Variants in SF3B1 observed in about 807,000 individuals in gnomAD.
The protein encoded by SF3B1 is splicing factor 3b subunit 1.
Under a neutral mutation model 153.8 loss-of-function variants are expected in SF3B1, and 12 were observed. The observed-to-expected ratio is 0.08, with a 90% CI of 0.05 to 0.13. SF3B1 has a LOEUF of 0.13. Among genes scored for constraint, SF3B1 ranks in the 10% least tolerant of loss-of-function variants. The pLI is 1.00. For synonymous variants in SF3B1, 498 were observed against 525.2 expected, an observed-to-expected ratio of 0.95 and a Z score of 0.71; for missense variants, 513 against 1,606.1, an observed-to-expected ratio of 0.32 and a Z score of 11.63.
At chr2:197,421,491 T>C (rs1391596718) in intron 2 of SF3B1, among the ~76,000 whole-genome samples, 1 of 152,198 alleles carries the variant, frequency 6.6e-6, no homozygotes, top group East Asian at 1.9e-4. Flanking sequence ...CTACTTTCTT[T>C]TTTTAACTCA....
intron 7 of SF3B1, 33 bp downstream of exon 7, chr2:197,409,737 T>G (rs1200701723): frequency 6.7e-7 from 1 of 1,503,198 alleles, no homozygotes; most frequent in Non-Finnish European, 9.3e-7. Context: ...CACTCAACAT[T>G]TCACCCACAC....
chr2:197,410,718 C>T (rs1342388497), intron 6 of SF3B1, among the ~76,000 whole-genome samples: 2 of 152,070 alleles, frequency 1.3e-5, no homozygotes, highest in East Asian at 1.9e-4. Context: ...GTTGGTCAGG[C>T]TGGTCTCGAA....
rs902384558 is a variant in SF3B1 at position 197,392,578 on chromosome 2, G to GA, written c.3757-118_3757-117insT. On this transcript the variant is annotated intron_variant, in intron 24 of 24. Transcript: ENST00000335508. ...TATTTCCCTTGGGGAGTTGGGGGGG[G>GA]GGGAACCTACTAATTACACTGCTCT... The GA allele has an allele frequency of 2.4e-4, 76 of 323,394 alleles. 7 individuals are homozygous for GA. Among genetic ancestry groups the GA allele is most frequent in the African/African-American group, 1.6e-3 (68 of 42,092 alleles). The allele number at this position is 323,394 out of a possible 1,614,324, so 20.0% of individuals were successfully genotyped here. A position where few individuals can be genotyped will look rare whatever the true frequency, so the allele number is the denominator to read the frequency against.
intron 1 of SF3B1, among the ~76,000 whole-genome samples, chr2:197,428,161 C>T (rs191776471): frequency 6.6e-6 from 1 of 151,760 alleles, no homozygotes; most frequent in Admixed American, 6.6e-5. Flanking sequence ...AAAAATTAGA[C>T]AAAAATACAA....
At chr2:197,425,627 G>A (rs1477816554) in intron 1 of SF3B1, among the ~76,000 whole-genome samples, 4 of 152,144 alleles carry the variant, frequency 2.6e-5, no homozygotes, top group East Asian at 1.9e-4. Flanking sequence ...AGATAGATGT[G>A]CAGGATAACA....
chr2:197,415,262 ATTTAT>A (rs2085130613), intron 6 of SF3B1, among the ~76,000 whole-genome samples: 1 of 151,206 alleles, frequency 6.6e-6, no homozygotes, highest in African/African-American at 2.4e-5. Flanking sequence ...TTATTTATTT[ATTTAT>A]TTTGAGACAA....
intron 2 of SF3B1, among the ~76,000 whole-genome samples, chr2:197,421,478 T>C (rs909502734): frequency 2.6e-5 from 4 of 152,244 alleles, no homozygotes; most frequent in Non-Finnish European, 5.9e-5. Context: ...ATTTTAGAAC[T>C]TTCTACTTTC....
At chr2:197,432,485 T>A (rs984647419) in intron 1 of SF3B1, among the ~76,000 whole-genome samples, 1 of 152,260 alleles carries the variant, frequency 6.6e-6, no homozygotes, top group African/African-American at 2.4e-5. Context: ...GTTCTTTTTA[T>A]ATTTCAATCC....
At position 197,401,935 on chromosome 2, in the gene SF3B1, G is replaced by A. The variant is rs747210701; in HGVS notation, c.2224-47C>T. ...ATGTACTTTAGTAATTTAGATTTAT[G>A]TCGCCTTAACTTTAATGAAGATAAA... On this transcript the variant is annotated intron_variant, in intron 15 of 24. Transcript: ENST00000335508. This position sits in a 1 kb window ranked among gnomAD's most constrained non-coding sequence, Gnocchi z 4.2. 1 of 1,593,966 alleles carries A rather than the reference G, an allele frequency of 6.3e-7. No individual in the cohort carries two copies. Among genetic ancestry groups the A allele is most frequent in the Non-Finnish European group, 8.5e-7 (1 of 1,173,498 alleles).
chr2:197,420,383 A>G (rs2085221344), intron 4 of SF3B1, 45 bp downstream of exon 4: 5 of 1,436,222 alleles, frequency 3.5e-6, no homozygotes, highest in Non-Finnish European at 3.9e-6. Flanking sequence ...ACAACTTAAT[A>G]CAAATAAATT....
intron 1 of SF3B1, 120 bp downstream of exon 1, chr2:197,434,852 C>T (rs2085497967): frequency 2.8e-6 from 3 of 1,088,422 alleles, no homozygotes; most frequent in Admixed American, 2.1e-5. Context: ...CGACCCTTGG[C>T]CCCGAAACGC....
chr2:197,391,588 ACAG>A lies in SF3B1; in HGVS notation c.*712_*714del. The A allele has an allele frequency of 6.6e-6, 1 of 152,394 alleles. No homozygotes were observed. The highest frequency in any genetic ancestry group is 2.1e-4 in the South Asian group (1 of 4,834). 9.4% of individuals were successfully genotyped at this position (152,394 alleles called of 1,614,324 possible). ...AAGTTAAATTCCTCACTTGCTAAAC[ACAG>A]CAGACCTGTCAAGTGTTGGACAAGA... On this transcript the variant is annotated 3_prime_UTR_variant, in exon 25 of 25. Transcript: ENST00000335508.
rs1488105943 is a variant in SF3B1 at position 197,405,159 on chromosome 2, T to C, written c.1456A>G (p.Thr486Ala). ...TCTTTTTGCTCTTCTGGACTAAGTG[T>C]TGATTCATCAACATCAACCTATAGT... Reference protein sequence around the residue: ...DKLLVDVDESTLSPEEQKERK... With the variant: ...DKLLVDVDESALSPEEQKERK... The change falls in exon 11 of 25, where the codon ACA (threonine) becomes GCA (alanine). Residue 486 changes from threonine (T) to alanine (A), a missense_variant. Physicochemically the swap from Thr to Ala is moderately conservative, Grantham distance 58 (BLOSUM62 0). This residue lies in a region of SF3B1 where 34 missense variants were observed against 190.8 expected (regional missense o/e 0.18). Coordinates refer to ENST00000335508, the MANE Select transcript of SF3B1 (RefSeq NM_012433.4). The C allele has an allele frequency of 2.5e-6, 4 of 1,611,244 alleles. No homozygotes were observed. The highest frequency in any genetic ancestry group is 8.5e-7 in the Non-Finnish European group (1 of 1,178,740).
At chr2:197,418,234 CAAAAAAAAAAAAAAAAAA>C (rs59644092) in intron 5 of SF3B1, among the ~76,000 whole-genome samples, 4 of 36,366 alleles carry the variant, frequency 1.1e-4, no homozygotes, top group African/African-American at 2.5e-4. Flanking sequence ...AGACTGTGTC[CAAAAAAAAAAAAAAAAAA>C]AAAAAAAAAA....
intron 22 of SF3B1, among the ~76,000 whole-genome samples, 189 bp from the exon 23 acceptor site, chr2:197,396,517 G>C (rs1373288501): frequency 6.6e-6 from 1 of 152,090 alleles, no homozygotes; most frequent in Admixed American, 6.5e-5. Context: ...AAATTAAAAG[G>C]TCAGTTTAAA....
Position 197,390,296 on chromosome 2 carries a change from T to A in SF3B1, c.*2007A>T, listed in dbSNP as rs931780745. 1 of 152,228 alleles carries A rather than the reference T, an allele frequency of 6.6e-6. No homozygotes were observed. Among genetic ancestry groups the A allele is most frequent in the African/African-American group, 2.4e-5 (1 of 41,456 alleles). The allele number at this position is 152,228 out of a possible 1,614,324, so 9.4% of individuals were successfully genotyped here. On this transcript the variant is annotated 3_prime_UTR_variant, in exon 25 of 25. Transcript: ENST00000335508. Reference sequence around the variant, plus strand: ...AACCAGAGGCCAAGCAAACGTAGGCTACTAAGTACTTGAATTGAAAATACA... The same window carrying A: ...AACCAGAGGCCAAGCAAACGTAGGCAACTAAGTACTTGAATTGAAAATACA...
At chr2:197,410,978 G>A (rs1409566656) in intron 6 of SF3B1, among the ~76,000 whole-genome samples, 2 of 152,062 alleles carry the variant, frequency 1.3e-5, no homozygotes, top group Non-Finnish European at 2.9e-5. Context: ...TCACTCTGTC[G>A]CCCAGGTTGA....
At chr2:197,415,419 AT>A (rs953953005) in intron 6 of SF3B1, among the ~76,000 whole-genome samples, 4 of 151,354 alleles carry the variant, frequency 2.6e-5, no homozygotes, top group Admixed American at 2.6e-4. Flanking sequence ...TGCCCAGCTA[AT>A]TTTTTTTGTA....
At chr2:197,431,575 C>G (rs543289602) in intron 1 of SF3B1, among the ~76,000 whole-genome samples, 1 of 152,158 alleles carries the variant, frequency 6.6e-6, no homozygotes, top group Non-Finnish European at 1.5e-5. Flanking sequence ...ATGTTAATGT[C>G]TCACCTACAC....
Sources: gnomAD v4.1 joint callset for allele counts (sites outside exome capture counted in the v4.1 genomes callset) on GRCh38, gnomAD v4.1.1 for gene constraint, gnomAD v4.1.1 regional missense constraint, Gnocchi (gnomAD v3.1) non-coding constraint, MANE v1.5 for transcripts, NCBI Gene and HGNC (gene_info 2026-07-23, HGNC 2026-07-21) for gene names.